P4HA1: variants seen among roughly 807,000 people sequenced by gnomAD.
P4HA1 encodes the protein prolyl 4-hydroxylase subunit alpha-1.
A neutral mutation model predicts 72.8 loss-of-function variants in P4HA1; 24 were observed. The observed-to-expected ratio is 0.33, with a 90% CI of 0.24 to 0.46. The LOEUF (loss-of-function observed/expected upper bound fraction) is 0.46. Among genes scored for constraint, P4HA1 ranks in the 20% least tolerant of loss-of-function variants. P4HA1 has a pLI of 1.00. For synonymous variants in P4HA1, 201 were observed against 218.8 expected (o/e 0.92, Z 0.72); for missense variants, 446 against 640.6 (o/e 0.70, Z 3.28).
intron 9 of P4HA1, among the ~76,000 whole-genome samples, chr10:73,031,325 C>T (rs766851010): frequency 6.6e-6 from 1 of 152,096 alleles, no homozygotes; most frequent in Non-Finnish European, 1.5e-5. Flanking sequence ...CTCTACAAAA[C>T]ATTTAAAAAA....
intron 1 of P4HA1, among the ~76,000 whole-genome samples, chr10:73,078,488 C>T (rs190426972): frequency 6.6e-6 from 1 of 151,818 alleles, no homozygotes; most frequent in East Asian, 1.9e-4. Context: ...TAAATTAACA[C>T]TGGTCAAAAC....
chr10:73,030,353 T>C lies in P4HA1; in HGVS notation c.1166A>G (p.Tyr389Cys), dbSNP rs201077792. Residue 389 changes from tyrosine to cysteine, a missense_variant, in exon 10 of 15, where the codon TAT becomes TGT. Tyr to Cys is a radical substitution (Grantham distance 194, BLOSUM62 -2). Coordinates refer to ENST00000394890, the MANE Select transcript of P4HA1 (RefSeq NM_001017962.3). ...AATTCGAGACACCACAGGATTTTCATAGCCAGAGAGCCAGGCACTAAGAAT... is the reference window on the plus strand; with the variant it reads ...AATTCGAGACACCACAGGATTTTCACAGCCAGAGAGCCAGGCACTAAGAAT... ...RISKSAWLSG[Y>C]ENPVVSRINM... The C allele has an allele frequency of 1.7e-5, 27 of 1,568,212 alleles. No homozygotes were observed. The highest frequency in any genetic ancestry group is 2.3e-5 in the Non-Finnish European group (26 of 1,147,290).
intron 10 of P4HA1, among the ~76,000 whole-genome samples, chr10:73,020,083 C>T (rs1318170622): frequency 6.6e-6 from 1 of 152,000 alleles, no homozygotes; most frequent in African/African-American, 2.4e-5. Flanking sequence ...AAAAAAGTCC[C>T]CTCTGAAGCA....
At chr10:73,034,119 C>T (rs1417435126) in intron 9 of P4HA1, among the ~76,000 whole-genome samples, 1 of 152,022 alleles carries the variant, frequency 6.6e-6, no homozygotes, top group African/African-American at 2.4e-5. Context: ...AAGGCTGAAG[C>T]GGAAGGATTA....
chr10:73,050,563 G>A (rs1840994721), intron 7 of P4HA1, among the ~76,000 whole-genome samples: 2 of 151,948 alleles, frequency 1.3e-5, no homozygotes, highest in Admixed American at 1.3e-4. Context: ...AGCCGGGTAT[G>A]GTGGCGGGCA....
At chr10:73,033,473 C>T (rs1040703819) in intron 9 of P4HA1, among the ~76,000 whole-genome samples, 2 of 152,166 alleles carry the variant, frequency 1.3e-5, no homozygotes, top group African/African-American at 4.8e-5. Flanking sequence ...TGCCTTACTC[C>T]AGCAGTTATT....
intron 4 of P4HA1, chr10:73,071,445 G>A (rs2394920): frequency 6.6e-6 from 1 of 151,862 alleles, no homozygotes; most frequent in Admixed American, 6.6e-5. Context: ...GGCAGGGCAG[G>A]GGCGGCGGGG....
intron 9 of P4HA1, among the ~76,000 whole-genome samples, chr10:73,037,319 A>C (rs950660243): frequency 3.3e-5 from 5 of 150,256 alleles, no homozygotes; most frequent in Non-Finnish European, 5.9e-5. Flanking sequence ...AAAAAAAAAA[A>C]AAAAAAACTT....
intron 14 of P4HA1, among the ~76,000 whole-genome samples, chr10:73,009,187 C>T (rs967842380): frequency 6.6e-6 from 1 of 152,174 alleles, no homozygotes; most frequent in African/African-American, 2.4e-5. Flanking sequence ...TGTAACCACT[C>T]AACATGTGGC....
At chr10:73,045,916 TAAAA>T (rs1840850405) in intron 8 of P4HA1, among the ~76,000 whole-genome samples, 1 of 150,022 alleles carries the variant, frequency 6.7e-6, no homozygotes, top group South Asian at 2.1e-4. Flanking sequence ...AGAAAAACTC[TAAAA>T]GAAATTCTAA....
chr10:73,046,874 T>C (rs756462773), intron 8 of P4HA1, 51 bp downstream of exon 8: 2 of 1,299,912 alleles, frequency 1.5e-6, no homozygotes, highest in East Asian at 2.3e-5. Context: ...CAAAGAAAAA[T>C]TGATACAAAG....
intron 5 of P4HA1, among the ~76,000 whole-genome samples, chr10:73,063,786 T>C (rs1018854459): frequency 2.6e-5 from 4 of 152,212 alleles, no homozygotes; most frequent in African/African-American, 9.6e-5. Context: ...TCTGCTTTGG[T>C]AAAGTATTTC....
chr10:73,092,964 A>T (rs1204066567), intron 1 of P4HA1, among the ~76,000 whole-genome samples: 2 of 151,804 alleles, frequency 1.3e-5, no homozygotes, highest in African/African-American at 2.4e-5. Flanking sequence ...ACAAAAAATT[A>T]AAAAATTAGC....
intron 6 of P4HA1, 25 bp from the exon 7 acceptor site, chr10:73,051,274 T>TC (rs778477527): frequency 2.3e-6 from 3 of 1,294,518 alleles, no homozygotes; most frequent in Admixed American, 1.8e-5. Flanking sequence ...ACAAAGCATG[T>TC]CCATGGGTAA....
At chr10:73,068,507 T>C (rs1251948740) in intron 5 of P4HA1, among the ~76,000 whole-genome samples, 2 of 152,208 alleles carry the variant, frequency 1.3e-5, no homozygotes, top group Admixed American at 1.3e-4. Flanking sequence ...TATCAATCCC[T>C]TATAGCTTTA....
At chr10:73,081,608 G>C (rs529784564) in intron 1 of P4HA1, among the ~76,000 whole-genome samples, 1 of 152,090 alleles carries the variant, frequency 6.6e-6, no homozygotes, top group Admixed American at 6.6e-5. Context: ...AGACTCAACA[G>C]GTCAATCAAA....
intron 1 of P4HA1, among the ~76,000 whole-genome samples, chr10:73,080,639 C>T (rs1265345447): frequency 6.6e-6 from 1 of 152,098 alleles, no homozygotes; most frequent in Non-Finnish European, 1.5e-5. Flanking sequence ...ACAATGGTTT[C>T]TAGCCGGGCA....
chr10:73,020,860 C>A (rs1424631124), intron 10 of P4HA1, among the ~76,000 whole-genome samples: 1 of 152,180 alleles, frequency 6.6e-6, no homozygotes, highest in African/African-American at 2.4e-5. Context: ...CCTGGCCAGG[C>A]ACAGTGGCTC....
At chr10:73,052,191 A>G (rs1263352909) in intron 6 of P4HA1, among the ~76,000 whole-genome samples, 3 of 143,702 alleles carry the variant, frequency 2.1e-5, no homozygotes, top group African/African-American at 5.1e-5. Flanking sequence ...ATCTGAGAGG[A>G]AAAAAAAAAA....
Sources: gnomAD v4.1 joint callset for allele counts (sites outside exome capture counted in the v4.1 genomes callset) on GRCh38, gnomAD v4.1.1 for gene constraint, MANE v1.5 for transcripts, NCBI Gene and HGNC (gene_info 2026-07-23, HGNC 2026-07-21) for gene names.